Variants in RBFOX1 observed in about 807,000 individuals in gnomAD.
The protein encoded by RBFOX1 is RNA binding fox-1 homolog 1, also known as RNA binding protein fox-1 homolog 1.
In RBFOX1, 8 loss-of-function variants were observed where a neutral mutation model predicts 57.7. That is an observed-to-expected ratio of 0.14 (90% CI 0.08 to 0.25). The LOEUF is 0.25. Among genes scored for constraint, RBFOX1 ranks in the 10% least tolerant of loss-of-function variants. The pLI is 1.00. For missense variants in RBFOX1, 611 were observed against 548.5 expected (o/e 1.11, Z -1.14); for synonymous variants, 326 against 222.4 (o/e 1.47, Z -4.15).
chr16:6,132,239 A>G (rs1160067248), intron 1 of RBFOX1, among the ~76,000 whole-genome samples: 1 of 152,186 alleles, frequency 6.6e-6, no homozygotes, highest in African/African-American at 2.4e-5. Context: ...CTCAGCAAGT[A>G]TTCCCTTGGC....
intron 3 of RBFOX1, chr16:5,610,649 C>A (rs2047746943): frequency 6.6e-6 from 1 of 151,794 alleles, no homozygotes; most frequent in South Asian, 2.1e-4. Context: ...TGAGATCAGC[C>A]TGGGAAACAT....
At chr16:6,181,448 G>T (rs2097061793) in intron 1 of RBFOX1, among the ~76,000 whole-genome samples, 1 of 152,160 alleles carries the variant, frequency 6.6e-6, no homozygotes, top group South Asian at 2.1e-4. Context: ...TTTTGGGGGG[G>T]TCAGTTTTGT....
intron 4 of RBFOX1, among the ~76,000 whole-genome samples, chr16:5,993,015 A>T (rs930687364): frequency 6.6e-6 from 1 of 152,200 alleles, no homozygotes; most frequent in African/African-American, 2.4e-5. Flanking sequence ...TGGCAGCTCC[A>T]GGCTGGGGGA....
intron 3 of RBFOX1, among the ~76,000 whole-genome samples, chr16:6,676,971 C>G (rs557170324): frequency 6.6e-6 from 1 of 152,144 alleles, no homozygotes; most frequent in East Asian, 1.9e-4. Flanking sequence ...CCACCATGCC[C>G]AGCCGTTAAC....
At chr16:6,875,598 T>C (rs967973150) in intron 3 of RBFOX1, among the ~76,000 whole-genome samples, 1 of 152,248 alleles carries the variant, frequency 6.6e-6, no homozygotes, top group Non-Finnish European at 1.5e-5. Flanking sequence ...AGACCTTGTT[T>C]ATTTCAGCAG....
At chr16:5,297,031 C>T (rs1031556386) in intron 1 of RBFOX1, among the ~76,000 whole-genome samples, 2 of 152,136 alleles carry the variant, frequency 1.3e-5, no homozygotes, top group Non-Finnish European at 2.9e-5. Context: ...TCTTTCTGAG[C>T]TTGGCTTAGT....
chr16:6,157,287 A>G, intron 1 of RBFOX1, among the ~76,000 whole-genome samples: 1 of 152,142 alleles, frequency 6.6e-6, no homozygotes, highest in Non-Finnish European at 1.5e-5. Context: ...GGCCAAGGTA[A>G]GCCCAGAAAC....
At chr16:5,888,909 C>A (rs924767764) in intron 4 of RBFOX1, among the ~76,000 whole-genome samples, 3 of 151,422 alleles carry the variant, frequency 2.0e-5, no homozygotes, top group African/African-American at 7.3e-5. Context: ...GTGACTAGTT[C>A]AGCTTCATAA....
intron 1 of RBFOX1, among the ~76,000 whole-genome samples, chr16:5,437,679 T>C (rs2067958091): frequency 6.6e-6 from 1 of 152,210 alleles, no homozygotes; most frequent in South Asian, 2.1e-4. Context: ...TAAATCCGTC[T>C]ATGGTAAAAC....
intron 3 of RBFOX1, among the ~76,000 whole-genome samples, chr16:6,988,945 G>T (rs934431968): frequency 4.6e-5 from 7 of 151,816 alleles, no homozygotes; most frequent in African/African-American, 1.5e-4. Flanking sequence ...CTAATTTTTA[G>T]TTGAGATGGG....
chr16:6,961,135 T>TCACACACAATCACACACA (rs2082895796), intron 3 of RBFOX1, among the ~76,000 whole-genome samples: 1 of 25,918 alleles, frequency 3.9e-5, no homozygotes, highest in Non-Finnish European at 9.7e-5. Context: ...AGAGACTCCA[T>TCACACACAATCACACACA]CACACACACC....
intron 2 of RBFOX1, among the ~76,000 whole-genome samples, chr16:5,488,584 T>C (rs186607124): frequency 4.5e-3 from 135 of 29,794 alleles, no homozygotes; most frequent in African/African-American, 7.2e-3. Flanking sequence ...ATGGTGATGA[T>C]TGAAGATGAT....
intron 2 of RBFOX1, among the ~76,000 whole-genome samples, chr16:6,386,833 C>T (rs1368309663): frequency 6.6e-6 from 1 of 151,998 alleles, no homozygotes; most frequent in Admixed American, 6.6e-5. Context: ...GATCAAGGGG[C>T]CAGATAGGGC....
chr16:6,390,882 G>A (rs1432901135), intron 2 of RBFOX1, among the ~76,000 whole-genome samples: 1 of 152,080 alleles, frequency 6.6e-6, no homozygotes, highest in African/African-American at 2.4e-5. Context: ...GATAGGGAAG[G>A]CAGCATGGAA....
chr16:6,926,855 ACT>A (rs1171825781), intron 3 of RBFOX1, among the ~76,000 whole-genome samples: 2 of 151,540 alleles, frequency 1.3e-5, no homozygotes, highest in Non-Finnish European at 2.9e-5. Flanking sequence ...CATCCACGTG[ACT>A]CTTTTTATTT....
chr16:5,763,724 A>G (rs2053669672), intron 3 of RBFOX1, among the ~76,000 whole-genome samples: 1 of 152,172 alleles, frequency 6.6e-6, no homozygotes, highest in African/African-American at 2.4e-5. Context: ...TCGAGGTTCA[A>G]CCGACTGTGG....
At chr16:5,261,473 A>G (rs1350717473) in intron 1 of RBFOX1, among the ~76,000 whole-genome samples, 1 of 151,776 alleles carries the variant, frequency 6.6e-6, no homozygotes, top group Non-Finnish European at 1.5e-5. Context: ...TTAGTTGGCT[A>G]TAAAATTCTT....
At chr16:6,931,339 C>CACACA (rs1567942171) in intron 3 of RBFOX1, among the ~76,000 whole-genome samples, 77 of 101,292 alleles carry the variant, frequency 7.6e-4, no homozygotes, top group African/African-American at 2.8e-3. Context: ...CTATCTATCT[C>CACACA]TACACACACA....
intron 3 of RBFOX1, among the ~76,000 whole-genome samples, chr16:6,741,675 A>G (rs1351983600): frequency 1.3e-5 from 2 of 152,084 alleles, no homozygotes; most frequent in African/African-American, 4.8e-5. Flanking sequence ...TCTCAAAAAA[A>G]AAAAAAAAAT....
Sources: gnomAD v4.1 joint callset for allele counts (sites outside exome capture counted in the v4.1 genomes callset) on GRCh38, gnomAD v4.1.1 for gene constraint, MANE v1.5 for transcripts, NCBI Gene and HGNC (gene_info 2026-07-23, HGNC 2026-07-21) for gene names.